COG3: variants seen among roughly 807,000 people sequenced by gnomAD.
The protein encoded by COG3 is conserved oligomeric Golgi complex subunit 3.
In COG3, 32 loss-of-function variants were observed where a neutral mutation model predicts 114.1. That is an observed-to-expected ratio of 0.28 (90% CI 0.21 to 0.38). The LOEUF is 0.38. Among genes scored for constraint, COG3 ranks in the 10% least tolerant of loss-of-function variants. The pLI is 1.00. For missense variants in COG3, 813 were observed against 973.2 expected, an observed-to-expected ratio of 0.84 and a Z score of 2.19; for synonymous variants, 352 against 365.7, an observed-to-expected ratio of 0.96 and a Z score of 0.43.
At position 45,529,094 on chromosome 13, in the gene COG3, C is replaced by G. The variant is rs776157051; in HGVS notation, c.2231-697C>G. Among the ~76,000 whole-genome samples the G allele has an allele frequency of 1.3e-4, 20 of 152,280 alleles. 1 individual carries two copies. Among genetic ancestry groups the G allele is most frequent in the Middle Eastern group, 3.4e-3 (1 of 294 alleles). ...ATTTTTGCCAATCATCTGTAAATAT[C>G]TCACTGCTTTCATTTACATTTATTT... On this transcript the variant is annotated intron_variant, in intron 20 of 22. Transcript: ENST00000349995.
intron 1 of COG3, among the ~76,000 whole-genome samples, chr13:45,471,002 T>G (rs1885441204): frequency 6.6e-6 from 1 of 152,224 alleles, no homozygotes; most frequent in Non-Finnish European, 1.5e-5. Context: ...CCGAAGGGTT[T>G]ATTGGGACAC....
At chr13:45,521,467 T>C (rs1427019205) in intron 19 of COG3, among the ~76,000 whole-genome samples, 3 of 152,120 alleles carry the variant, frequency 2.0e-5, no homozygotes, top group African/African-American at 7.2e-5. Context: ...TTCTACTGAG[T>C]GGACACTGCA....
rs1321287618 is a variant in COG3, at chr13:45,487,380, A to T, written c.924+805A>T. Among the ~76,000 whole-genome samples the T allele has an allele frequency of 2.0e-5, 3 of 152,222 alleles. No homozygotes were observed. The South Asian group carries it at 6.2e-4, about 31-fold the overall frequency. On this transcript the variant is annotated intron_variant, in intron 8 of 22. Coordinates refer to ENST00000349995, the MANE Select transcript of COG3 (RefSeq NM_031431.4). ...CAAAAGCATAGGCAACAAAAACAAA[A>T]ATAGACAAATGGGACTATAATAATC... is the stretch of plus-strand genomic sequence containing the variant.
chr13:45,476,079 A>T (rs1380984598), intron 1 of COG3, 122 bp from the exon 2 acceptor site: 11 of 851,978 alleles, frequency 1.3e-5, no homozygotes, highest in Non-Finnish European at 1.9e-5. Flanking sequence ...TATTAACTTA[A>T]TGTGATTTAA....
Position 45,520,678 on chromosome 13 carries a change from G to C in COG3, c.2154+1584G>C, listed in dbSNP as rs2985982. Among the ~76,000 whole-genome samples, 1,226 of 152,190 alleles carry C rather than the reference G, an allele frequency of 8.1e-3. 20 individuals carry two copies. Among genetic ancestry groups the C allele is most frequent in the African/African-American group, 0.028 (1,154 of 41,490 alleles). ...TTGCTTGTTAAGTGGATTTTATTCC[G>C]AGTATTTGCAATGTGTGCATATGCA... On this transcript the variant is annotated intron_variant, in intron 19 of 22. Transcript: ENST00000349995.
At chr13:45,480,813 G>A (rs770409539) in intron 4 of COG3, among the ~76,000 whole-genome samples, 3 of 152,088 alleles carry the variant, frequency 2.0e-5, no homozygotes, top group South Asian at 2.1e-4. Context: ...TCATCTGCCC[G>A]CCTTGGCCTC....
chr13:45,496,382 T>A (rs946709026), intron 13 of COG3, 70 bp downstream of exon 13: 108 of 1,145,060 alleles, frequency 9.4e-5, no homozygotes, highest in East Asian at 4.3e-4. Flanking sequence ...ATTATTTTTT[T>A]AAAAATTTAT....
chr13:45,525,527 G>A (rs1872578292), intron 20 of COG3, among the ~76,000 whole-genome samples: 1 of 151,080 alleles, frequency 6.6e-6, no homozygotes, highest in Non-Finnish European at 1.5e-5. Flanking sequence ...TGAGGCGTCA[G>A]TTGGGAGTTG....
chr13:45,472,996 AGTAG>A (rs963125868), intron 1 of COG3, among the ~76,000 whole-genome samples: 17 of 152,178 alleles, frequency 1.1e-4, no homozygotes, highest in Non-Finnish European at 2.5e-4. Flanking sequence ...CAGCCTCCCG[AGTAG>A]CTGGGACTAC....
chr13:45,500,518 G>A (rs185167905), intron 13 of COG3, among the ~76,000 whole-genome samples: 2 of 152,228 alleles, frequency 1.3e-5, no homozygotes, highest in East Asian at 3.9e-4. Context: ...GATGTCAAAT[G>A]TCCTAATTTC....
At chr13:45,521,258 G>GA (rs1407637617) in intron 19 of COG3, among the ~76,000 whole-genome samples, 5 of 152,224 alleles carry the variant, frequency 3.3e-5, no homozygotes, top group Admixed American at 6.5e-5. Context: ...GTATAGCAGG[G>GA]ATCCCTGAAC....
chr13:45,489,286 C>A (rs1420243074), intron 8 of COG3, among the ~76,000 whole-genome samples: 42 of 17,266 alleles, frequency 2.4e-3, no homozygotes, highest in Non-Finnish European at 3.4e-3. Flanking sequence ...AAAAAGCCAA[C>A]CAGTTTAAAG....
intron 17 of COG3, among the ~76,000 whole-genome samples, 156 bp from the exon 18 acceptor site, chr13:45,518,606 C>A (rs1347894699): frequency 6.6e-6 from 1 of 152,160 alleles, no homozygotes; most frequent in Non-Finnish European, 1.5e-5. Context: ...CTGTAGCCAT[C>A]ACTGGTGCTC....
At chr13:45,491,636 T>G in intron 10 of COG3, 98 bp downstream of exon 10, 4 of 1,115,900 alleles carry the variant, frequency 3.6e-6, no homozygotes, top group Non-Finnish European at 4.9e-6. Flanking sequence ...TTGGGGCCCA[T>G]AGTTAACTGA....
Position 45,483,183 on chromosome 13 carries a change from T to C in COG3, c.718-47T>C, listed in dbSNP as rs1335506782. ...TGGTTTTCACTAAAAGCTTGCTTTT[T>C]ATCTGTGTTCATTTCCACTTTGTAA... On this transcript the variant is annotated intron_variant, in intron 6 of 22. Transcript: ENST00000349995. 6 of 1,489,168 alleles carry C rather than the reference T, an allele frequency of 4.0e-6. No homozygotes were observed. In the East Asian group the frequency reaches 6.8e-5, roughly 17 times the overall value. The allele number at this position is 1,489,168 out of a possible 1,614,324, so 92.2% of individuals were successfully genotyped here.
intron 1 of COG3, among the ~76,000 whole-genome samples, chr13:45,473,425 A>G (rs1885650795): frequency 6.6e-6 from 1 of 152,004 alleles, no homozygotes; most frequent in Non-Finnish European, 1.5e-5. Flanking sequence ...TTTCTGGTAT[A>G]TTTTCCAAAT....
chr13:45,511,972 T>C, intron 16 of COG3, 118 bp downstream of exon 16: 1 of 745,336 alleles, frequency 1.3e-6, no homozygotes. Flanking sequence ...TTAACATGAT[T>C]GAATTTTGAG....
intron 12 of COG3, among the ~76,000 whole-genome samples, chr13:45,495,903 T>A (rs1868709890): frequency 6.6e-6 from 1 of 152,132 alleles, no homozygotes; most frequent in South Asian, 2.1e-4. Flanking sequence ...CTCTTAAAAT[T>A]CAGATTTTAT....
intron 17 of COG3, among the ~76,000 whole-genome samples, chr13:45,518,325 A>G (rs1871758965): frequency 6.6e-6 from 1 of 152,232 alleles, no homozygotes; most frequent in Non-Finnish European, 1.5e-5. Context: ...TAAGGGGTAA[A>G]TACGTCCTTT....
Sources: gnomAD v4.1 joint callset for allele counts (sites outside exome capture counted in the v4.1 genomes callset) on GRCh38, gnomAD v4.1.1 for gene constraint, MANE v1.5 for transcripts, NCBI Gene and HGNC (gene_info 2026-07-23, HGNC 2026-07-21) for gene names.